The following BRD10 variants were observed in gnomAD, a reference collection of about 807,000 sequenced individuals.
BRD10 encodes bromodomain containing 10, also known as uncharacterized bromodomain-containing protein 10.
the BRD10 span, among the ~76,000 whole-genome samples, chr9:5,903,480 T>C: frequency 3.9e-5 from 6 of 152,362 alleles, no homozygotes; most frequent in African/African-American, 1.4e-4. Context: ...TCTTTTCTTG[T>C]AATATCTTTG....
At chr9:5,991,631 A>G in the BRD10 span, among the ~76,000 whole-genome samples, 1 of 151,502 alleles carries the variant, frequency 6.6e-6, no homozygotes, top group Non-Finnish European at 1.5e-5. Context: ...AGGCTGAGGC[A>G]GGAGAATCAT....
chr9:6,002,867 T>C, the BRD10 span, among the ~76,000 whole-genome samples: 1 of 152,038 alleles, frequency 6.6e-6, no homozygotes, highest in African/African-American at 2.4e-5. Flanking sequence ...TTTGTTTAAG[T>C]AAAGATGGGG....
chr9:5,883,316 A>G, the BRD10 span, among the ~76,000 whole-genome samples: 1 of 152,134 alleles, frequency 6.6e-6, no homozygotes, highest in Non-Finnish European at 1.5e-5. Flanking sequence ...TTGATGCAAG[A>G]TTCTCCAAGG....
At chr9:5,915,745 T>G in the BRD10 span, among the ~76,000 whole-genome samples, 1 of 152,196 alleles carries the variant, frequency 6.6e-6, no homozygotes, top group Admixed American at 6.5e-5. Context: ...ATTATTATTT[T>G]ACTATTTTTT....
chr9:5,970,855 C>T, the BRD10 span, among the ~76,000 whole-genome samples: 1 of 151,760 alleles, frequency 6.6e-6, no homozygotes, highest in Non-Finnish European at 1.5e-5. Context: ...ATTTTGAGAC[C>T]AGCCAGGCCA....
the BRD10 span, among the ~76,000 whole-genome samples, chr9:5,996,432 C>A: frequency 6.6e-6 from 1 of 152,080 alleles, no homozygotes; most frequent in Admixed American, 6.6e-5. Flanking sequence ...AATTCTTGTG[C>A]CTCAGTCTCC....
At chr9:5,991,065 CT>C in the BRD10 span, among the ~76,000 whole-genome samples, 1 of 152,046 alleles carries the variant, frequency 6.6e-6, no homozygotes, top group Non-Finnish European at 1.5e-5. Context: ...TATGTATTCA[CT>C]GTTAAAGATG....
chr9:6,006,986 T>C, the BRD10 span, among the ~76,000 whole-genome samples: 1 of 152,120 alleles, frequency 6.6e-6, no homozygotes, highest in Non-Finnish European at 1.5e-5. Flanking sequence ...CGGGTTTCCT[T>C]CTCAGTCTAC....
At chr9:5,916,820 A>G in the BRD10 span, among the ~76,000 whole-genome samples, 1 of 152,150 alleles carries the variant, frequency 6.6e-6, no homozygotes, top group African/African-American at 2.4e-5. Flanking sequence ...CATTGTGGTG[A>G]CGTTTCTTCC....
At chr9:5,910,687 A>T in the BRD10 span, 20 of 152,264 alleles carry the variant, frequency 1.3e-4, 1 homozygote, top group Admixed American at 1.1e-3. Flanking sequence ...CAGGTGATGG[A>T]CATGGAGACT....
chr9:5,944,886 G>C, the BRD10 span: 1 of 1,529,370 alleles, frequency 6.5e-7, no homozygotes, highest in East Asian at 2.4e-5. Flanking sequence ...TTTTTCTACT[G>C]TTTTCCAGAT....
At chr9:5,990,052 T>C in the BRD10 span, among the ~76,000 whole-genome samples, 31 of 152,322 alleles carry the variant, frequency 2.0e-4, no homozygotes, top group Admixed American at 7.8e-4. Context: ...AATTCAGCTT[T>C]AATAAGGGCA....
chr9:5,905,353 C>T, the BRD10 span, among the ~76,000 whole-genome samples: 1 of 152,246 alleles, frequency 6.6e-6, no homozygotes, highest in South Asian at 2.1e-4. Flanking sequence ...TCATTATACT[C>T]CCTCCCTTTT....
chr9:5,970,502 G>C, the BRD10 span, among the ~76,000 whole-genome samples: 2 of 152,056 alleles, frequency 1.3e-5, no homozygotes, highest in Non-Finnish European at 2.9e-5. Flanking sequence ...AGGCATTTAA[G>C]TCTTTGTGAC....
At chr9:5,907,173 AAAAT>A in the BRD10 span, 1 of 380,268 alleles carries the variant, frequency 2.6e-6, no homozygotes, top group Non-Finnish European at 4.6e-6. Flanking sequence ...ATGAGAATAA[AAAAT>A]AAATAATAAT....
chr9:5,920,195 G>A, the BRD10 span: 2 of 1,614,004 alleles, frequency 1.2e-6, no homozygotes, highest in Non-Finnish European at 8.5e-7. Flanking sequence ...ATCTATTGGT[G>A]TAGATTGAAT....
the BRD10 span, chr9:5,988,454 G>A: frequency 1.9e-6 from 3 of 1,613,720 alleles, no homozygotes; most frequent in Admixed American, 1.7e-5. Context: ...GTTGACCGAC[G>A]CCTTGTTGAG....
At chr9:5,947,523 T>G in the BRD10 span, among the ~76,000 whole-genome samples, 1 of 152,106 alleles carries the variant, frequency 6.6e-6, no homozygotes, top group Non-Finnish European at 1.5e-5. Context: ...ATTCTGAGGT[T>G]ATATTAAAAT....
chr9:5,921,057 C>G, the BRD10 span: 1 of 1,613,908 alleles, frequency 6.2e-7, no homozygotes, highest in Admixed American at 1.7e-5. Flanking sequence ...ACTGCTCTTG[C>G]TGAAGAAACC....
Sources: allele counts gnomAD v4.1 joint callset (sites outside exome capture counted in the v4.1 genomes callset), GRCh38; gene constraint gnomAD v4.1.1; transcripts MANE v1.5; gene names NCBI Gene and HGNC (gene_info 2026-07-23, HGNC 2026-07-21).